Variants in RADIL observed in about 807,000 individuals in gnomAD.
RADIL encodes Rap associating with DIL domain, also known as ras-associating and dilute domain-containing protein.
In RADIL, 99 loss-of-function variants were observed where a neutral mutation model predicts 97.6. That is an observed-to-expected ratio of 1.01 (90% CI 0.86 to 1.20). RADIL has a LOEUF of 1.20. Ranked by LOEUF, RADIL falls within the 50% of genes most tolerant of loss-of-function variation. The probability of loss-of-function intolerance (pLI) is 0.00; values close to 1 mark genes in which losing one functional copy is unlikely to be tolerated. For synonymous variants in RADIL, 803 were observed against 691.8 expected (o/e 1.16, Z -2.52); for missense variants, 1,765 against 1,498.9 (o/e 1.18, Z -2.93).
intron 9 of RADIL, chr7:4,806,070 A>G (rs6963791): frequency 0.23 from 226,739 of 984,890 alleles, 32,036 homozygotes; most frequent in African/African-American, 0.64. Flanking sequence ...TGTGAAAGAA[A>G]TCAATCAAGT....
chr7:4,802,330 G>A (rs1432130276), intron 11 of RADIL, among the ~76,000 whole-genome samples: 1 of 140,376 alleles, frequency 7.1e-6, no homozygotes, highest in Non-Finnish European at 1.6e-5. Flanking sequence ...CATGCTGGCT[G>A]GGCCCCCTCC....
At chr7:4,875,835 C>A (rs1483431336) in intron 2 of RADIL, among the ~76,000 whole-genome samples, 1 of 152,122 alleles carries the variant, frequency 6.6e-6, no homozygotes, top group Non-Finnish European at 1.5e-5. Context: ...ATCACCGGTC[C>A]TTCCAAGGGA....
chr7:4,852,445 A>G (rs539535257), intron 2 of RADIL, among the ~76,000 whole-genome samples: 3 of 152,060 alleles, frequency 2.0e-5, no homozygotes, highest in African/African-American at 7.2e-5. Context: ...GTTTCCTCCT[A>G]TTATTTATTT....
intron 2 of RADIL, among the ~76,000 whole-genome samples, chr7:4,868,426 CA>C (rs1324269448): frequency 2.6e-5 from 4 of 152,180 alleles, no homozygotes; most frequent in Non-Finnish European, 4.4e-5. Flanking sequence ...TAGCTATCAG[CA>C]ACCCTCACAA....
At position 4,809,334 on chromosome 7, in the gene RADIL, G is replaced by T. The variant is rs11970860; in HGVS notation, c.2140-3618C>A. The T allele has an allele frequency of 1.0e-5, 10 of 985,090 alleles. 1 individual carries two copies. The highest frequency in any genetic ancestry group is 9.6e-6 in the Non-Finnish European group (8 of 829,842). The allele number at this position is 985,090 out of a possible 1,614,324, so 61.0% of individuals were successfully genotyped here. On this transcript the variant is annotated intron_variant, in intron 9 of 14. Transcript: ENST00000399583. ...GGCCTAGTTTCCCTAGCCAGGAGAA[G>T]TCCTGTTTTCAACGTTCTAGAAATA...
chr7:4,850,500 T>C (rs1449310384), intron 2 of RADIL, among the ~76,000 whole-genome samples: 1 of 152,206 alleles, frequency 6.6e-6, no homozygotes, highest in Non-Finnish European at 1.5e-5. Flanking sequence ...CGTGTGCTCC[T>C]TCAAAGCCCA....
chr7:4,877,749 A>C lies in RADIL; in HGVS notation c.391T>G (p.Phe131Val), dbSNP rs1275490327. The C allele has an allele frequency of 1.2e-6, 2 of 1,613,562 alleles. No homozygotes were observed. Among genetic ancestry groups the C allele is most frequent in the African/African-American group, 2.7e-5 (2 of 74,912 alleles). Residue 131 changes from phenylalanine (F) to valine (V), a missense_variant, in exon 2 of 15, where the codon TTT (phenylalanine) becomes GTT (valine). Transcript: ENST00000399583. ...TTCTCACTGTCCCCAAACACCCGAA[A>C]GCACCGGGCCTGCCACCGCTGCCCA... ...DAGQRWQARC[F>V]RVFGDSEKPL...
chr7:4,856,191 G>A (rs1326143841), intron 2 of RADIL, among the ~76,000 whole-genome samples: 1 of 151,862 alleles, frequency 6.6e-6, no homozygotes, highest in Non-Finnish European at 1.5e-5. Context: ...TTCACCTCCT[G>A]GGTTCAAGCG....
chr7:4,806,061 G>A, intron 9 of RADIL: 1 of 985,418 alleles, frequency 1.0e-6, no homozygotes, highest in Non-Finnish European at 1.2e-6. Flanking sequence ...CTCCAACGGT[G>A]TGAAAGAAAT....
chr7:4,853,190 C>T (rs949477914), intron 2 of RADIL, among the ~76,000 whole-genome samples: 3 of 152,134 alleles, frequency 2.0e-5, no homozygotes, highest in African/African-American at 7.2e-5. Flanking sequence ...CCCAGTGACC[C>T]CTGCTTTGCA....
rs192840267 is a variant in RADIL, at chr7:4,838,100, G to T, written c.536-1495C>A. On this transcript the variant is annotated intron_variant, in intron 2 of 14. Transcript: ENST00000399583. ...AGGGCGTGAGGGAGGCCGCCCAGCCGCAGTGCGAGGCTGCTGGGCTGGGCT... is the reference window on the plus strand; with the variant it reads ...AGGGCGTGAGGGAGGCCGCCCAGCCTCAGTGCGAGGCTGCTGGGCTGGGCT... The T allele has an allele frequency of 5.0e-4, 479 of 966,716 alleles. 3 individuals carry two copies. In the African/African-American group the frequency reaches 7.9e-3, roughly 16 times the overall value. 59.9% of individuals were successfully genotyped at this position (966,716 alleles called of 1,614,324 possible). A position where few individuals can be genotyped will look rare whatever the true frequency, so the allele number is the denominator to read the frequency against.
rs1177845413 is a variant in RADIL, at chr7:4,878,350, C to T, written c.-64-147G>A. The T allele has an allele frequency of 3.3e-6, 2 of 606,392 alleles. No individual in the cohort carries two copies. Among genetic ancestry groups the T allele is most frequent in the East Asian group, 5.7e-5 (2 of 35,212 alleles). 37.6% of individuals were successfully genotyped at this position (606,392 alleles called of 1,614,324 possible). ...CTTGAGCCCGGGAGTTCCAGACCAG[C>T]CTGGGAAACATAGTAAGGCCCCGGC... On this transcript the variant is annotated intron_variant, in intron 1 of 14. Coordinates refer to ENST00000399583, the MANE Select transcript of RADIL (RefSeq NM_018059.5). This position sits in a 1 kb window ranked among gnomAD's most constrained non-coding sequence, Gnocchi z 4.1.
chr7:4,809,601 C>G (rs1012767842), intron 9 of RADIL: 4 of 985,454 alleles, frequency 4.1e-6, no homozygotes, highest in Non-Finnish European at 3.6e-6. Flanking sequence ...CAGACACGCT[C>G]CTTGAACTCG....
chr7:4,819,969 C>T lies in RADIL; in HGVS notation c.1615+2425G>A, dbSNP rs1346383562. Reference sequence around the variant, plus strand: ...CCATGAAGAGCAGCCAGCACGGGGACCACATGGGACCCAGCTGCCTGCGGC... The same window carrying T: ...CCATGAAGAGCAGCCAGCACGGGGATCACATGGGACCCAGCTGCCTGCGGC... On this transcript the variant is annotated intron_variant, in intron 6 of 14. Transcript: ENST00000399583. This position sits in a 1 kb window ranked among gnomAD's most constrained non-coding sequence, Gnocchi z 5.8. 1.3e-5 allele frequency among the ~76,000 whole-genome samples: 2 copies of T among 152,228 alleles called. No homozygotes were observed. Among genetic ancestry groups the T allele is most frequent in the Admixed American group, 1.3e-4 (2 of 15,282 alleles).
intron 2 of RADIL, chr7:4,859,897 C>G: frequency 6.3e-7 from 1 of 1,594,794 alleles, no homozygotes; most frequent in Non-Finnish European, 8.6e-7. Context: ...TAGACTCCAA[C>G]TATAGGATTA....
At chr7:4,806,836 G>A (rs1782325605) in intron 9 of RADIL, among the ~76,000 whole-genome samples, 1 of 152,198 alleles carries the variant, frequency 6.6e-6, no homozygotes, top group Admixed American at 6.5e-5. Flanking sequence ...TGCAGGTGCT[G>A]TTTTGTCCTG....
Position 4,878,100 on chromosome 7 carries a change from T to A in RADIL, c.40A>T (p.Lys14Ter), listed in dbSNP as rs779213918. 1.3e-6 allele frequency: 2 copies of A among 1,586,222 alleles called. No individual in the cohort carries two copies. Among genetic ancestry groups the A allele is most frequent in the Non-Finnish European group, 1.7e-6 (2 of 1,167,486 alleles). Residue 14 changes from lysine (K) to a stop codon, truncating the protein, a stop_gained, in exon 2 of 15, where the codon AAG becomes TAG. Coordinates refer to ENST00000399583, the MANE Select transcript of RADIL (RefSeq NM_018059.5). LOFTEE classifies it high-confidence loss of function. The surrounding 1 kb of genome is among the most constrained non-coding windows in gnomAD (Gnocchi z 4.1). ...TGGCTCTGCCGCTTCAGTTTGCTCTTGGTGGGCGGGGACATGATGAAGTGC... is the reference window on the plus strand; with the variant it reads ...TGGCTCTGCCGCTTCAGTTTGCTCTAGGTGGGCGGGGACATGATGAAGTGC... The part of the protein sequence containing the change: ...GTHFIMSPPT[K>*]SKLKRQSQLL...
intron 2 of RADIL, among the ~76,000 whole-genome samples, chr7:4,855,741 G>A (rs766660507): frequency 1.3e-5 from 2 of 150,068 alleles, no homozygotes; most frequent in Non-Finnish European, 2.9e-5. Context: ...CTCCTCTTCC[G>A]TGAAGTGCTT....
chr7:4,832,726 G>A (rs1188797616), intron 4 of RADIL, among the ~76,000 whole-genome samples: 5 of 136,336 alleles, frequency 3.7e-5, no homozygotes, highest in African/African-American at 8.5e-5. Flanking sequence ...GTGACAGAGC[G>A]AGACTCCGTC....
Sources: gnomAD v4.1 joint callset for allele counts (sites outside exome capture counted in the v4.1 genomes callset) on GRCh38, gnomAD v4.1.1 for gene constraint, Gnocchi (gnomAD v3.1) non-coding constraint, MANE v1.5 for transcripts, NCBI Gene and HGNC (gene_info 2026-07-23, HGNC 2026-07-21) for gene names.